Variants in NUP93 observed in about 807,000 individuals in gnomAD.
NUP93 encodes the protein nuclear pore complex protein Nup93.
Under a neutral mutation model 107.8 loss-of-function variants are expected in NUP93, and 55 were observed. That is an observed-to-expected ratio of 0.51 (90% CI 0.41 to 0.64). The LOEUF (loss-of-function observed/expected upper bound fraction) is 0.64. NUP93 is among the 30% of genes least tolerant of loss of function. The pLI is 0.00. For synonymous variants in NUP93, 390 were observed against 397.5 expected (o/e 0.98, Z 0.22); for missense variants, 937 against 1,044.7 (o/e 0.90, Z 1.42).
chr16:56,804,406 A>T (rs1184957494), intron 4 of NUP93, among the ~76,000 whole-genome samples: 1 of 152,222 alleles, frequency 6.6e-6, no homozygotes. Context: ...GACACTTGCT[A>T]CAACTCTTAA....
At chr16:56,805,675 G>A (rs752131954) in intron 5 of NUP93, 43 bp downstream of exon 5, 1 of 1,579,762 alleles carries the variant, frequency 6.3e-7, no homozygotes, top group South Asian at 1.1e-5. Flanking sequence ...ATAAAAACAT[G>A]AAGTCAAAGA....
chr16:56,739,874 C>T (rs1193918866), intron 1 of NUP93, among the ~76,000 whole-genome samples: 15 of 51,222 alleles, frequency 2.9e-4, no homozygotes, highest in African/African-American at 1.4e-3. Flanking sequence ...CCCTCCCGGA[C>T]GGGGCGGCTG....
intron 3 of NUP93, among the ~76,000 whole-genome samples, chr16:56,767,165 C>T (rs1356485180): frequency 6.6e-6 from 1 of 152,212 alleles, no homozygotes; most frequent in African/African-American, 2.4e-5. Context: ...GTGCACGCAC[C>T]ACTTTAATTA....
intron 1 of NUP93, among the ~76,000 whole-genome samples, chr16:56,741,217 A>G (rs1961734519): frequency 6.6e-6 from 1 of 152,256 alleles, no homozygotes; most frequent in African/African-American, 2.4e-5. Context: ...ATTTACTAAA[A>G]GATTTTTTGA....
chr16:56,767,771 A>C (rs1351177784), intron 3 of NUP93, among the ~76,000 whole-genome samples: 1 of 152,214 alleles, frequency 6.6e-6, no homozygotes, highest in African/African-American at 2.4e-5. Flanking sequence ...TCTCTAAATG[A>C]GCAGGGCCTG....
chr16:56,834,475 G>T, intron 15 of NUP93, 33 bp downstream of exon 15: 3 of 1,605,094 alleles, frequency 1.9e-6, no homozygotes, highest in South Asian at 1.1e-5. Flanking sequence ...CCTCCCCATG[G>T]TTTTCAGTGT....
intron 3 of NUP93, among the ~76,000 whole-genome samples, chr16:56,781,015 T>G (rs1465136029): frequency 6.6e-6 from 1 of 152,190 alleles, no homozygotes; most frequent in Non-Finnish European, 1.5e-5. Flanking sequence ...GTGAAAAACA[T>G]GATAATATTT....
intron 3 of NUP93, among the ~76,000 whole-genome samples, chr16:56,770,634 C>T (rs1227531926): frequency 3.9e-5 from 6 of 152,104 alleles, no homozygotes; most frequent in African/African-American, 1.4e-4. Context: ...GAACAGATAC[C>T]ATTTGGGGAG....
chr16:56,797,391 TG>T (rs1334238047), intron 3 of NUP93, among the ~76,000 whole-genome samples: 1 of 152,238 alleles, frequency 6.6e-6, no homozygotes, highest in Admixed American at 6.5e-5. Flanking sequence ...TGTCAATTGA[TG>T]GGTCATCTTC....
chr16:56,775,007 C>T (rs775052802), intron 3 of NUP93, among the ~76,000 whole-genome samples: 10 of 151,794 alleles, frequency 6.6e-5, no homozygotes, highest in Non-Finnish European at 7.4e-5. Flanking sequence ...TCGAGTGATC[C>T]TCCCACCTCA....
chr16:56,841,852 C>A lies in NUP93; in HGVS notation c.2349+19C>A. ...CGACTCTGTAAGATCCCAGCATTCG[C>A]GAGAAACATTGCTAAGCACCACCTT... On this transcript the variant is annotated intron_variant, in intron 21 of 21. Transcript: ENST00000308159. 6.2e-7 allele frequency: 1 copy of A among 1,613,100 alleles called. No individual in the cohort carries two copies. The highest frequency in any genetic ancestry group is 8.5e-7 in the Non-Finnish European group (1 of 1,179,524).
At chr16:56,755,012 T>A (rs905229888) in intron 2 of NUP93, among the ~76,000 whole-genome samples, 4 of 152,150 alleles carry the variant, frequency 2.6e-5, no homozygotes, top group Non-Finnish European at 5.9e-5. Flanking sequence ...GTGGGAAAAA[T>A]TGGAATCTTT....
rs868665951 is a variant in NUP93 at position 56,839,791 on chromosome 16, A to G, written c.2220+187A>G. ...CTGTGAGTGCATACATCCCCATCAG[A>G]TTATTGTCTGAATTCCTAATTGAGA... On this transcript the variant is annotated intron_variant, in intron 20 of 21. Coordinates refer to ENST00000308159, the MANE Select transcript of NUP93 (RefSeq NM_014669.5). 1.0e-4 allele frequency: 58 copies of G among 569,988 alleles called. No individual in the cohort carries two copies. In the Middle Eastern group the frequency reaches 3.5e-3, roughly 34 times the overall value. 35.3% of individuals were successfully genotyped at this position (569,988 alleles called of 1,614,324 possible). A position where few individuals can be genotyped will look rare whatever the true frequency, so the allele number is the denominator to read the frequency against.
At chr16:56,807,506 T>A (rs1235120343) in intron 5 of NUP93, among the ~76,000 whole-genome samples, 8 of 152,236 alleles carry the variant, frequency 5.3e-5, no homozygotes, top group Non-Finnish European at 1.0e-4. Context: ...TATTCCTTTA[T>A]CTCCAGTGCC....
At chr16:56,839,443 AG>A in intron 19 of NUP93, 77 bp from the exon 20 acceptor site, 1 of 1,130,530 alleles carries the variant, frequency 8.8e-7, no homozygotes. Flanking sequence ...GGAGTATGTG[AG>A]GTGCTGACTT....
chr16:56,745,376 G>A (rs576300095), intron 1 of NUP93, among the ~76,000 whole-genome samples: 50 of 152,122 alleles, frequency 3.3e-4, no homozygotes, highest in Non-Finnish European at 4.9e-4. Context: ...CCTTTTGTAC[G>A]GTTTCATTCT....
intron 4 of NUP93, among the ~76,000 whole-genome samples, chr16:56,801,523 C>T (rs1201193857): frequency 2.0e-5 from 3 of 152,104 alleles, no homozygotes; most frequent in Non-Finnish European, 4.4e-5. Flanking sequence ...AGTGATTCTC[C>T]TGCCTCAGCC....
At chr16:56,790,096 T>TCAAAA (rs57242557) in intron 3 of NUP93, among the ~76,000 whole-genome samples, 49,350 of 149,114 alleles carry the variant, frequency 0.33, 8,505 homozygotes, top group Middle Eastern at 0.48. Flanking sequence ...AAACTCCATC[T>TCAAAA]CAAAACAAAA....
chr16:56,839,069 T>C lies in NUP93; in HGVS notation c.2136T>C (p.Asp712=), dbSNP rs1239569516. ...GTGGTCATATTGATAGAGCTTTTGA[T>C]GTAAGTTTCAGGAAAGGTGTTTGAA... ...YHSGHIDRAF[D]IIERLKLVPL... is the part of the protein sequence containing the mutation. The change falls in exon 19 of 22, where the codon GAT becomes GAC. Residue 712 remains aspartate, a splice_region_variant and synonymous_variant. Coordinates refer to ENST00000308159, the MANE Select transcript of NUP93 (RefSeq NM_014669.5). The C allele has an allele frequency of 1.9e-6, 3 of 1,606,414 alleles. No individual in the cohort carries two copies. In the African/African-American group the frequency reaches 4.0e-5, roughly 21 times the overall value.
Sources: allele counts gnomAD v4.1 joint callset (sites outside exome capture counted in the v4.1 genomes callset), GRCh38; gene constraint gnomAD v4.1.1; transcripts MANE v1.5; gene names NCBI Gene and HGNC (gene_info 2026-07-23, HGNC 2026-07-21).